Variants in CNTN1 observed in about 807,000 individuals in gnomAD.
CNTN1 encodes contactin 1, also known as contactin-1.
In CNTN1, 38 loss-of-function variants were observed where a neutral mutation model predicts 126.4. The ratio of observed to expected loss-of-function variants is 0.30; its 90% confidence interval spans 0.23 to 0.39. The LOEUF is 0.39. Among genes scored for constraint, CNTN1 ranks in the 10% least tolerant of loss-of-function variants. The probability of loss-of-function intolerance (pLI) is 1.00; values close to 1 mark genes in which losing one functional copy is unlikely to be tolerated. For missense variants in CNTN1, 1,009 were observed against 1,248.4 expected (o/e 0.81, Z 2.89); for synonymous variants, 413 against 422.6 (o/e 0.98, Z 0.28).
chr12:40,988,779 G>A (rs571847894), intron 16 of CNTN1, among the ~76,000 whole-genome samples: 2 of 152,080 alleles, frequency 1.3e-5, no homozygotes, highest in South Asian at 4.1e-4. Context: ...TACACTAAAA[G>A]TAAAACAAAT....
At position 40,744,185 on chromosome 12, in the gene CNTN1, G is replaced by A. The variant is rs372736704; in HGVS notation, c.-77+51593G>A. Among the ~76,000 whole-genome samples the A allele has an allele frequency of 2.3e-4, 35 of 152,004 alleles. No individual in the cohort carries two copies. The East Asian group carries it at 3.7e-3, about 16-fold the overall frequency. On this transcript the variant is annotated intron_variant, in intron 1 of 23. Coordinates refer to ENST00000551295, the MANE Select transcript of CNTN1 (RefSeq NM_001843.4). Reference sequence around the variant, plus strand: ...ATCAGGTTAAATAGCAAATGCATGTGGGACTTAATACCTAGGCGATGGGTT... The same window carrying A: ...ATCAGGTTAAATAGCAAATGCATGTAGGACTTAATACCTAGGCGATGGGTT...
chr12:40,809,811 GTC>G (rs1487667019), intron 1 of CNTN1, among the ~76,000 whole-genome samples: 1 of 54,688 alleles, frequency 1.8e-5, no homozygotes, highest in African/African-American at 6.9e-5. Context: ...GTGAGACTCT[GTC>G]TCACACACAC....
At chr12:40,756,416 A>G (rs1565691614) in intron 1 of CNTN1, among the ~76,000 whole-genome samples, 1 of 152,160 alleles carries the variant, frequency 6.6e-6, no homozygotes, top group Non-Finnish European at 1.5e-5. Flanking sequence ...ACCAAATGAT[A>G]GGAAGTCAAT....
rs543413469 is a variant in CNTN1, at chr12:40,708,440, C to G, written c.-77+15848C>G. ...CGAAAAATGCTACTAATTGTCTGAG[C>G]CTTCAGCCAGCCATAATCTCTTTTT... On this transcript the variant is annotated intron_variant, in intron 1 of 23. Coordinates refer to ENST00000551295, the MANE Select transcript of CNTN1 (RefSeq NM_001843.4). 2.8e-4 allele frequency among the ~76,000 whole-genome samples: 43 copies of G among 152,274 alleles called. 1 individual carries two copies. Among genetic ancestry groups the G allele is most frequent in the Admixed American group, 2.4e-3 (37 of 15,294 alleles).
chr12:40,793,013 C>T (rs960710442), intron 1 of CNTN1, among the ~76,000 whole-genome samples: 16 of 151,968 alleles, frequency 1.1e-4, no homozygotes, highest in African/African-American at 3.4e-4. Context: ...AGGCTTTCTC[C>T]GGAGTCCTCC....
At chr12:40,850,026 T>G (rs1942661538) in intron 1 of CNTN1, among the ~76,000 whole-genome samples, 1 of 152,186 alleles carries the variant, frequency 6.6e-6, no homozygotes, top group Admixed American at 6.5e-5. Flanking sequence ...AAGAATCAAT[T>G]CCAATCAACT....
intron 1 of CNTN1, among the ~76,000 whole-genome samples, chr12:40,840,626 T>A (rs1942240176): frequency 6.6e-6 from 1 of 151,960 alleles, no homozygotes; most frequent in African/African-American, 2.4e-5. Flanking sequence ...TTTTTAAAAA[T>A]TGAAATTATA....
intron 1 of CNTN1, among the ~76,000 whole-genome samples, chr12:40,898,836 G>A (rs1246185732): frequency 1.3e-5 from 2 of 152,204 alleles, no homozygotes; most frequent in Non-Finnish European, 2.9e-5. Context: ...GATTTGTGAA[G>A]TGGAATAAAT....
At position 40,977,770 on chromosome 12, in the gene CNTN1, TGTTTTGTTTTGTTTTG is replaced by T. The variant is rs780387573; in HGVS notation, c.1805-3138_1805-3123del. Among the ~76,000 whole-genome samples, 697 of 134,930 alleles carry T rather than the reference TGTTTTGTTTTGTTTTG, an allele frequency of 5.2e-3. 6 individuals are homozygous for T. The highest frequency in any genetic ancestry group is 0.018 in the African/African-American group (666 of 38,016). The allele number at this position is 134,930 out of a possible 152,430, so 88.5% of individuals were successfully genotyped here. On this transcript the variant is annotated intron_variant, in intron 15 of 23. Transcript: ENST00000551295. ...TTTCAGTCCTAACAATCATCTGTTT[TGTTTTGTTTTGTTTTG>T]TTTTGTTTTGTTTTGTTTTGTTTTG... is the stretch of plus-strand genomic sequence containing the variant.
chr12:40,947,358 C>T (rs1378341145), intron 14 of CNTN1, among the ~76,000 whole-genome samples: 1 of 151,994 alleles, frequency 6.6e-6, no homozygotes, highest in African/African-American at 2.4e-5. Context: ...AGCAGTTTAT[C>T]TGCCATTCTT....
intron 15 of CNTN1, among the ~76,000 whole-genome samples, chr12:40,960,888 A>G (rs1468017841): frequency 6.6e-6 from 1 of 152,064 alleles, no homozygotes; most frequent in Non-Finnish European, 1.5e-5. Context: ...AATAATTAGC[A>G]TTAATATTGC....
chr12:40,837,999 C>G (rs548600250), intron 1 of CNTN1, among the ~76,000 whole-genome samples: 2 of 152,184 alleles, frequency 1.3e-5, no homozygotes, highest in Non-Finnish European at 2.9e-5. Context: ...ATCGCTGCTA[C>G]TGCTTCTCCC....
chr12:40,966,258 A>G (rs997033524), intron 15 of CNTN1, among the ~76,000 whole-genome samples: 2 of 152,068 alleles, frequency 1.3e-5, no homozygotes, highest in African/African-American at 2.4e-5. Flanking sequence ...TAGAGATTCC[A>G]TCTCATCAGC....
At chr12:41,044,526 T>C (rs1949498352) in intron 23 of CNTN1, among the ~76,000 whole-genome samples, 1 of 152,110 alleles carries the variant, frequency 6.6e-6, no homozygotes, top group Non-Finnish European at 1.5e-5. Flanking sequence ...TTGTTTTATA[T>C]TTTAGATTAG....
At chr12:41,052,703 T>C (rs957925616) in intron 23 of CNTN1, among the ~76,000 whole-genome samples, 15 of 152,096 alleles carry the variant, frequency 9.9e-5, no homozygotes, top group Non-Finnish European at 2.1e-4. Flanking sequence ...TGTTTGTTTT[T>C]TCAATTTAAC....
chr12:40,955,825 A>G (rs1442380314), intron 14 of CNTN1, among the ~76,000 whole-genome samples: 3 of 152,112 alleles, frequency 2.0e-5, no homozygotes, highest in African/African-American at 7.2e-5. Context: ...CAGATATGGG[A>G]GGGGTATCCA....
chr12:40,823,666 AT>A (rs1307197991), intron 1 of CNTN1, among the ~76,000 whole-genome samples: 12 of 152,058 alleles, frequency 7.9e-5, no homozygotes, highest in Non-Finnish European at 1.5e-4. Flanking sequence ...TCAGGGCTTT[AT>A]TTTCCATCTT....
At chr12:41,006,871 T>C (rs1948505251) in intron 17 of CNTN1, among the ~76,000 whole-genome samples, 1 of 152,216 alleles carries the variant, frequency 6.6e-6, no homozygotes, top group East Asian at 1.9e-4. Flanking sequence ...GGTGCCCAGA[T>C]TGCAGGAACA....
At chr12:40,707,818 T>C (rs1172590036) in intron 1 of CNTN1, among the ~76,000 whole-genome samples, 1 of 152,124 alleles carries the variant, frequency 6.6e-6, no homozygotes, top group Non-Finnish European at 1.5e-5. Flanking sequence ...ATTGGAAAGA[T>C]GGTTTCTATA....
Sources: allele counts gnomAD v4.1 joint callset (sites outside exome capture counted in the v4.1 genomes callset), GRCh38; gene constraint gnomAD v4.1.1; transcripts MANE v1.5; gene names NCBI Gene and HGNC (gene_info 2026-07-23, HGNC 2026-07-21).